The following RYR2 variants were observed in gnomAD, a reference collection of about 807,000 sequenced individuals.
RYR2 encodes cardiac muscle ryanodine receptor-calcium release channel.
In RYR2, 227 loss-of-function variants were observed where a neutral mutation model predicts 601.1. That is an observed-to-expected ratio of 0.38 (90% CI 0.34 to 0.42). The LOEUF (loss-of-function observed/expected upper bound fraction) is 0.42, where lower values mean the gene tolerates loss of function less well. Ranked by LOEUF, RYR2 falls within the 10% of genes least tolerant of loss-of-function variation. The probability of loss-of-function intolerance (pLI) is 1.00; values close to 1 mark genes in which losing one functional copy is unlikely to be tolerated. For synonymous variants in RYR2, 2,223 were observed against 2,175.1 expected (o/e 1.02, Z -0.61); for missense variants, 4,646 against 6,156.5 (o/e 0.75, Z 8.21).
intron 51 of RYR2, among the ~76,000 whole-genome samples, chr1:237,652,283 T>C (rs1682836366): frequency 6.6e-6 from 1 of 152,236 alleles, no homozygotes; most frequent in Non-Finnish European, 1.5e-5. Flanking sequence ...ACTGGTATTT[T>C]CTCTAACTTT....
At chr1:237,059,221 T>C (rs1271718496) in intron 1 of RYR2, among the ~76,000 whole-genome samples, 2 of 152,134 alleles carry the variant, frequency 1.3e-5, no homozygotes. Context: ...ATAACTCAGA[T>C]GCCTTACTGG....
Position 237,506,545 on chromosome 1 carries a change from A to G in RYR2, c.2614-165A>G, listed in dbSNP as rs978156164. Reference sequence around the variant, plus strand: ...AGAGTGAGACTCCGTCTCAAGGGGAAAAAAAAAAAAAAAGAATGTCGTGAA... The same window carrying G: ...AGAGTGAGACTCCGTCTCAAGGGGAGAAAAAAAAAAAAAGAATGTCGTGAA... On this transcript the variant is annotated intron_variant, in intron 22 of 104. Transcript: ENST00000366574. Among the ~76,000 whole-genome samples, 126 of 147,094 alleles carry G rather than the reference A, an allele frequency of 8.6e-4. 1 individual carries two copies. Among genetic ancestry groups the G allele is most frequent in the African/African-American group, 2.9e-3 (120 of 40,682 alleles).
intron 1 of RYR2, among the ~76,000 whole-genome samples, chr1:237,219,348 A>C (rs1683542609): frequency 6.6e-6 from 1 of 152,090 alleles, no homozygotes; most frequent in Non-Finnish European, 1.5e-5. Context: ...CCATTCACTC[A>C]TCATAGGACG....
At chr1:237,506,543 GAAA>G (rs368515743) in intron 22 of RYR2, among the ~76,000 whole-genome samples, 164 bp from the exon 23 acceptor site, 1 of 134,810 alleles carries the variant, frequency 7.4e-6, no homozygotes, top group African/African-American at 2.7e-5. Context: ...GTCTCAAGGG[GAAA>G]AAAAAAAAAA....
chr1:237,147,298 C>A (rs1485704168), intron 1 of RYR2, among the ~76,000 whole-genome samples: 1 of 152,032 alleles, frequency 6.6e-6, no homozygotes, highest in Non-Finnish European at 1.5e-5. Context: ...GTTAGTCTTG[C>A]TAATTTTGAT....
At chr1:237,715,780 T>A (rs958103788) in intron 71 of RYR2, among the ~76,000 whole-genome samples, 3 of 152,174 alleles carry the variant, frequency 2.0e-5, no homozygotes, top group Admixed American at 6.5e-5. Context: ...ATTACCGGTA[T>A]TGGATAGAAG....
chr1:237,808,768 A>G, intron 99 of RYR2, 133 bp from the exon 100 acceptor site: 1 of 683,748 alleles, frequency 1.5e-6, no homozygotes, highest in Non-Finnish European at 2.5e-6. Flanking sequence ...GTGAGAAATA[A>G]GTTATGGATC....
At position 237,614,009 on chromosome 1, in the gene RYR2, A is replaced by T; in HGVS notation, c.4911-30A>T. 1 of 1,576,876 alleles carries T rather than the reference A, an allele frequency of 6.3e-7. No homozygotes were observed. Among genetic ancestry groups the T allele is most frequent in the East Asian group, 2.3e-5 (1 of 44,390 alleles). ...GATTTTAAAAAATCATTCATTTCTA[A>T]TCTTACTACCACTCTCCTCCCTTCT... is the stretch of plus-strand genomic sequence containing the variant. On this transcript the variant is annotated intron_variant, in intron 36 of 104. Coordinates refer to ENST00000366574, the MANE Select transcript of RYR2 (RefSeq NM_001035.3). This position sits in a 1 kb window ranked among gnomAD's most constrained non-coding sequence, Gnocchi z 4.3.
At chr1:237,402,378 C>A (rs1703425031) in intron 10 of RYR2, among the ~76,000 whole-genome samples, 1 of 148,510 alleles carries the variant, frequency 6.7e-6, no homozygotes. Flanking sequence ...CAGAGCAAGA[C>A]CCTATCTCTT....
Position 237,456,586 on chromosome 1 carries a change from T to G in RYR2, c.1477-14T>G. On this transcript the variant is annotated splice_polypyrimidine_tract_variant and intron_variant, in intron 15 of 104. Coordinates refer to ENST00000366574, the MANE Select transcript of RYR2 (RefSeq NM_001035.3). The stretch of plus-strand genomic sequence containing the variant: ...GATGTCTGATTGTGATTTTTTTTTT[T>G]TTTAACGTTCCAGGGAATGATCAAC... 4 of 1,495,050 alleles carry G rather than the reference T, an allele frequency of 2.7e-6. No individual in the cohort carries two copies. The highest frequency in any genetic ancestry group is 3.6e-6 in the Non-Finnish European group (4 of 1,115,398). 92.6% of individuals were successfully genotyped at this position (1,495,050 alleles called of 1,614,324 possible). A position where few individuals can be genotyped will look rare whatever the true frequency, so the allele number is the denominator to read the frequency against.
chr1:237,684,934 G>GAA (rs3035867), intron 62 of RYR2, among the ~76,000 whole-genome samples: 71,452 of 147,498 alleles, frequency 0.48, 17,993 homozygotes, highest in East Asian at 0.77. Flanking sequence ...TAATTAGAGA[G>GAA]AAAAAAAAAA....
intron 84 of RYR2, among the ~76,000 whole-genome samples, chr1:237,766,531 T>A (rs944540438): frequency 4.6e-5 from 7 of 152,160 alleles, no homozygotes; most frequent in Non-Finnish European, 8.8e-5. Flanking sequence ...AGTAGGATAA[T>A]TGGAATGGTG....
At chr1:237,167,517 A>C (rs900845996) in intron 1 of RYR2, among the ~76,000 whole-genome samples, 1 of 152,140 alleles carries the variant, frequency 6.6e-6, no homozygotes, top group South Asian at 2.1e-4. Flanking sequence ...ATATAATAGC[A>C]TGATCATTCT....
At chr1:237,643,567 T>C in intron 48 of RYR2, 120 bp downstream of exon 48, 1 of 1,005,076 alleles carries the variant, frequency 9.9e-7, no homozygotes, top group Non-Finnish European at 1.4e-6. Flanking sequence ...TGTATACTAC[T>C]TAAATTAGTT....
At chr1:237,110,835 C>G (rs929795280) in intron 1 of RYR2, among the ~76,000 whole-genome samples, 2 of 152,202 alleles carry the variant, frequency 1.3e-5, no homozygotes, top group Non-Finnish European at 2.9e-5. Context: ...CATCAACTAA[C>G]ATTTGCATAT....
chr1:237,425,944 T>G (rs1706108215), intron 12 of RYR2, among the ~76,000 whole-genome samples: 2 of 152,120 alleles, frequency 1.3e-5, no homozygotes, highest in Non-Finnish European at 2.9e-5. Context: ...TTTTGACAGA[T>G]TCATACTATC....
intron 1 of RYR2, among the ~76,000 whole-genome samples, chr1:237,258,898 A>G (rs867738324): frequency 3.3e-4 from 50 of 152,178 alleles, no homozygotes; most frequent in African/African-American, 1.1e-3. Context: ...GTTTATTTCT[A>G]CTAAACTGGG....
At chr1:237,182,607 T>C (rs1209515815) in intron 1 of RYR2, among the ~76,000 whole-genome samples, 3 of 152,230 alleles carry the variant, frequency 2.0e-5, no homozygotes, top group Non-Finnish European at 2.9e-5. Context: ...TATCACATAC[T>C]ATATATTGTC....
intron 1 of RYR2, among the ~76,000 whole-genome samples, chr1:237,226,072 A>G (rs975040721): frequency 6.6e-6 from 1 of 150,946 alleles, no homozygotes; most frequent in African/African-American, 2.4e-5. Flanking sequence ...AAAAAAAATT[A>G]AAGGTGTCCC....
Sources: gnomAD v4.1 joint callset for allele counts (sites outside exome capture counted in the v4.1 genomes callset) on GRCh38, gnomAD v4.1.1 for gene constraint, Gnocchi (gnomAD v3.1) non-coding constraint, MANE v1.5 for transcripts, NCBI Gene and HGNC (gene_info 2026-07-23, HGNC 2026-07-21) for gene names.